UQCC6: variants seen among roughly 807,000 people sequenced by gnomAD.
UQCC6 encodes protein BRAWNIN.
chr12:103,962,750 G>A, the UQCC6 span, among the ~76,000 whole-genome samples: 12 of 152,322 alleles, frequency 7.9e-5, no homozygotes, highest in African/African-American at 2.9e-4. Context: ...AACTGCGTCT[G>A]AGCTGCTACT....
the UQCC6 span, among the ~76,000 whole-genome samples, chr12:103,954,386 G>T: frequency 1.3e-5 from 2 of 152,360 alleles, no homozygotes; most frequent in African/African-American, 4.8e-5. Context: ...CATCAGTCCA[G>T]CTTCCGGTGA....
the UQCC6 span, among the ~76,000 whole-genome samples, chr12:103,958,145 G>A: frequency 6.7e-6 from 1 of 149,930 alleles, no homozygotes; most frequent in Non-Finnish European, 1.5e-5. Flanking sequence ...GAACCCAGGA[G>A]ATGGAGGTTG....
the UQCC6 span, chr12:103,953,580 G>A: frequency 2.1e-5 from 15 of 702,160 alleles, no homozygotes; most frequent in Non-Finnish European, 3.6e-5. Context: ...AATTGCTGGA[G>A]CAAAACCAAA....
chr12:103,960,084 T>C, the UQCC6 span, among the ~76,000 whole-genome samples: 1 of 151,944 alleles, frequency 6.6e-6, no homozygotes, highest in South Asian at 2.1e-4. Flanking sequence ...TATTTATTTA[T>C]TTATTCTTTC....
the UQCC6 span, among the ~76,000 whole-genome samples, chr12:103,963,019 G>A: frequency 6.6e-6 from 1 of 151,528 alleles, no homozygotes; most frequent in African/African-American, 2.4e-5. Flanking sequence ...GTCTATTTCT[G>A]GACTCTATTC....
At chr12:103,959,872 T>C in the UQCC6 span, among the ~76,000 whole-genome samples, 1 of 145,202 alleles carries the variant, frequency 6.9e-6, no homozygotes, top group Non-Finnish European at 1.5e-5. Flanking sequence ...GGCACAATCT[T>C]GGCTCACTGC....
the UQCC6 span, among the ~76,000 whole-genome samples, chr12:103,963,835 T>G: frequency 1.5e-4 from 23 of 152,206 alleles, no homozygotes; most frequent in Non-Finnish European, 2.6e-4. Flanking sequence ...AGGTTTTTTG[T>G]AGGTTCCACA....
chr12:103,953,393 G>T, the UQCC6 span: 2 of 702,194 alleles, frequency 2.8e-6, no homozygotes, highest in South Asian at 3.0e-5. Context: ...CAGATGAGCT[G>T]AGCTGGACAA....
the UQCC6 span, chr12:103,957,127 C>A: frequency 0.095 from 19,390 of 203,122 alleles, 1,185 homozygotes; most frequent in East Asian, 0.33. Flanking sequence ...ACGCGCTCTA[C>A]TAGAGACTGT....
At chr12:103,954,065 A>G in the UQCC6 span, among the ~76,000 whole-genome samples, 1 of 152,246 alleles carries the variant, frequency 6.6e-6, no homozygotes, top group Non-Finnish European at 1.5e-5. Flanking sequence ...CAAAAACTAC[A>G]TACTACCTAA....
At chr12:103,964,056 G>A in the UQCC6 span, among the ~76,000 whole-genome samples, 1 of 151,014 alleles carries the variant, frequency 6.6e-6, no homozygotes, top group Non-Finnish European at 1.5e-5. Context: ...GACACTGATG[G>A]GATAAAAGCC....
the UQCC6 span, among the ~76,000 whole-genome samples, chr12:103,962,452 T>A: frequency 6.6e-6 from 1 of 152,204 alleles, no homozygotes; most frequent in Non-Finnish European, 1.5e-5. Flanking sequence ...TGTTTTTTTA[T>A]ATGGTGTGAG....
the UQCC6 span, among the ~76,000 whole-genome samples, chr12:103,958,262 G>GT: frequency 2.5e-3 from 376 of 150,780 alleles, 5 homozygotes; most frequent in Non-Finnish European, 4.6e-4. Context: ...AAGGATTAAA[G>GT]TTGTATGTAT....
At chr12:103,952,839 G>A in the UQCC6 span, among the ~76,000 whole-genome samples, 17 of 152,202 alleles carry the variant, frequency 1.1e-4, no homozygotes, top group Non-Finnish European at 2.5e-4. Flanking sequence ...GGAGGAGGAT[G>A]AGGGAGGCAG....
At chr12:103,962,608 C>T in the UQCC6 span, among the ~76,000 whole-genome samples, 1 of 152,224 alleles carries the variant, frequency 6.6e-6, no homozygotes, top group South Asian at 2.1e-4. Context: ...CATGGCAACA[C>T]CCAGATGCTA....
the UQCC6 span, among the ~76,000 whole-genome samples, chr12:103,963,590 A>G: frequency 6.6e-6 from 1 of 152,202 alleles, no homozygotes; most frequent in African/African-American, 2.4e-5. Flanking sequence ...CATGAATACA[A>G]CATATCCGTG....
At chr12:103,952,902 A>ACCTAAG in the UQCC6 span, among the ~76,000 whole-genome samples, 2 of 152,200 alleles carry the variant, frequency 1.3e-5, no homozygotes, top group Non-Finnish European at 2.9e-5. Flanking sequence ...AGTGCAGAGG[A>ACCTAAG]CCTAAGGCAG....
the UQCC6 span, chr12:103,957,410 T>C: frequency 7.9e-5 from 12 of 152,156 alleles, no homozygotes; most frequent in African/African-American, 2.4e-4. Flanking sequence ...AGATGTGGAA[T>C]CTAAGGCCAG....
the UQCC6 span, among the ~76,000 whole-genome samples, chr12:103,964,365 G>C: frequency 9.2e-5 from 14 of 151,896 alleles, no homozygotes; most frequent in Admixed American, 9.2e-4. Flanking sequence ...TGATCCACCC[G>C]CCTCGGCCTC....
Sources: allele counts gnomAD v4.1 joint callset (sites outside exome capture counted in the v4.1 genomes callset), GRCh38; gene constraint gnomAD v4.1.1; transcripts MANE v1.5; gene names NCBI Gene and HGNC (gene_info 2026-07-23, HGNC 2026-07-21).